Variants in HNRNPC observed in about 807,000 individuals in gnomAD.
HNRNPC encodes the protein heterogeneous nuclear ribonucleoproteins C1/C2.
A neutral mutation model predicts 33.2 loss-of-function variants in HNRNPC; 3 were observed. That is an observed-to-expected ratio of 0.09 (90% CI 0.04 to 0.23). The LOEUF (loss-of-function observed/expected upper bound fraction) is 0.23. Ranked by LOEUF, HNRNPC falls within the 10% of genes least tolerant of loss-of-function variation. The pLI is 1.00. For missense variants in HNRNPC, 143 were observed against 366.7 expected, an observed-to-expected ratio of 0.39 and a Z score of 4.98; for synonymous variants, 121 against 126.7, an observed-to-expected ratio of 0.96 and a Z score of 0.30.
chr14:21,250,937 T>C (rs1199701670), intron 2 of HNRNPC, among the ~76,000 whole-genome samples: 1 of 152,190 alleles, frequency 6.6e-6, no homozygotes, highest in African/African-American at 2.4e-5. Flanking sequence ...GGCTATTTTC[T>C]GAATAGAAAG....
chr14:21,246,603 AG>A (rs1298081181), intron 2 of HNRNPC, among the ~76,000 whole-genome samples: 2 of 152,114 alleles, frequency 1.3e-5, no homozygotes, highest in South Asian at 2.1e-4. Flanking sequence ...AACAAATAAA[AG>A]TCTGCCAATT....
At chr14:21,230,099 G>A (rs528614823) in intron 5 of HNRNPC, among the ~76,000 whole-genome samples, 5 of 152,150 alleles carry the variant, frequency 3.3e-5, no homozygotes, top group South Asian at 4.1e-4. Context: ...TAGTAGAAAC[G>A]GGTTTCACCA....
chr14:21,267,095 CAAAAAAA>C (rs56203257), intron 1 of HNRNPC, among the ~76,000 whole-genome samples: 1,455 of 103,770 alleles, frequency 0.014, 13 homozygotes, highest in African/African-American at 0.05. Context: ...GACTCCGTCT[CAAAAAAA>C]AAAAAAAAAA....
chr14:21,224,255 G>A (rs956815013), intron 5 of HNRNPC, among the ~76,000 whole-genome samples: 4 of 152,114 alleles, frequency 2.6e-5, no homozygotes, highest in African/African-American at 7.2e-5. Flanking sequence ...AACAAAATTA[G>A]GGATATTAAC....
chr14:21,247,750 G>GA (rs879420105), intron 2 of HNRNPC, among the ~76,000 whole-genome samples: 2 of 150,116 alleles, frequency 1.3e-5, no homozygotes, highest in Non-Finnish European at 3.0e-5. Context: ...AGGAGTTCAA[G>GA]ACCAGCTTGA....
In HNRNPC at chr14:21,236,474, A is replaced by G. The variant is rs958540755; in HGVS notation, c.-36-2245T>C. The G allele has an allele frequency of 1.2e-4, 19 of 152,210 alleles. 1 individual carries two copies. Among genetic ancestry groups the G allele is most frequent in the African/African-American group, 3.6e-4 (15 of 41,456 alleles). 9.4% of individuals were successfully genotyped at this position (152,210 alleles called of 1,614,324 possible). On this transcript the variant is annotated intron_variant, in intron 2 of 8. Coordinates refer to ENST00000553300, the MANE Select transcript of HNRNPC (RefSeq NM_004500.4). ...TAACGTGTCCTCCTAAGGAATGAAC[A>G]GTCACTACAAATTCATTCATTTTGG... is the stretch of plus-strand genomic sequence containing the variant.
At chr14:21,250,900 ATGG>A (rs1260121951) in intron 2 of HNRNPC, among the ~76,000 whole-genome samples, 1 of 152,178 alleles carries the variant, frequency 6.6e-6, no homozygotes, top group African/African-American at 2.4e-5. Context: ...TAGCTCCCAG[ATGG>A]TGATGATGCT....
chr14:21,266,026 T>TG (rs1191571768), intron 1 of HNRNPC, among the ~76,000 whole-genome samples: 1 of 152,198 alleles, frequency 6.6e-6, no homozygotes, highest in Non-Finnish European at 1.5e-5. Flanking sequence ...CTAGCCCTAT[T>TG]GATTCTGGTG....
At chr14:21,262,467 G>T (rs1357462010) in intron 2 of HNRNPC, 2 of 152,334 alleles carry the variant, frequency 1.3e-5, no homozygotes, top group Middle Eastern at 3.4e-3. Flanking sequence ...TCCCCCTTGG[G>T]AAACACCTCA....
intron 5 of HNRNPC, among the ~76,000 whole-genome samples, chr14:21,229,404 A>C (rs1893859004): frequency 6.6e-6 from 1 of 151,952 alleles, no homozygotes; most frequent in Non-Finnish European, 1.5e-5. Flanking sequence ...GAAACCGCTA[A>C]TGTCAAATGA....
intron 4 of HNRNPC, 24 bp from the exon 5 acceptor site, chr14:21,230,390 G>A (rs765830283): frequency 6.3e-7 from 1 of 1,585,158 alleles, no homozygotes; most frequent in Non-Finnish European, 8.7e-7. Context: ...ACCGAAAAGG[G>A]TTAATTTGGA....
intron 5 of HNRNPC, among the ~76,000 whole-genome samples, chr14:21,214,594 G>T (rs909695782): frequency 1.3e-5 from 2 of 152,002 alleles, no homozygotes; most frequent in Non-Finnish European, 2.9e-5. Context: ...AAAGAAAACA[G>T]AAAAAAGTTT....
At chr14:21,217,947 A>G (rs1175918592) in intron 5 of HNRNPC, among the ~76,000 whole-genome samples, 1 of 152,210 alleles carries the variant, frequency 6.6e-6, no homozygotes, top group Non-Finnish European at 1.5e-5. Context: ...TTCTCAGTCA[A>G]AAAGAATCTA....
At chr14:21,231,899 C>T (rs1894160902) in intron 3 of HNRNPC, among the ~76,000 whole-genome samples, 1 of 152,156 alleles carries the variant, frequency 6.6e-6, no homozygotes, top group Non-Finnish European at 1.5e-5. Context: ...AAAATATATG[C>T]CAATTCACAA....
chr14:21,223,259 C>A (rs891429634), intron 5 of HNRNPC, among the ~76,000 whole-genome samples: 1 of 151,974 alleles, frequency 6.6e-6, no homozygotes, highest in African/African-American at 2.4e-5. Flanking sequence ...AGAATGCCCT[C>A]AAGAAGATTC....
At chr14:21,248,622 A>G (rs1896269682) in intron 2 of HNRNPC, among the ~76,000 whole-genome samples, 2 of 152,224 alleles carry the variant, frequency 1.3e-5, no homozygotes. Context: ...GGTGACTAAC[A>G]ATACTAAAGG....
intron 2 of HNRNPC, among the ~76,000 whole-genome samples, chr14:21,251,641 C>A (rs10658793): frequency 6.6e-6 from 1 of 151,656 alleles, no homozygotes; most frequent in Non-Finnish European, 1.5e-5. Context: ...AAGACTGCGC[C>A]GCTGCACTCC....
chr14:21,268,189 A>G (rs1177375272), intron 1 of HNRNPC, among the ~76,000 whole-genome samples: 1 of 152,056 alleles, frequency 6.6e-6, no homozygotes, highest in African/African-American at 2.4e-5. Flanking sequence ...TTTAACTTTT[A>G]AGTTTTTTAT....
At chr14:21,269,174 A>C (rs1003956716) in intron 1 of HNRNPC, 124 bp downstream of exon 1, 1 of 152,070 alleles carries the variant, frequency 6.6e-6, no homozygotes, top group Non-Finnish European at 1.5e-5. Context: ...TAATCCCCCA[A>C]AACAAGCAGA....
Sources: allele counts gnomAD v4.1 joint callset (sites outside exome capture counted in the v4.1 genomes callset), GRCh38; gene constraint gnomAD v4.1.1; transcripts MANE v1.5; gene names NCBI Gene and HGNC (gene_info 2026-07-23, HGNC 2026-07-21).